SPSB1: variants seen among roughly 807,000 people sequenced by gnomAD.
SPSB1 encodes the protein splA/ryanodine receptor domain and SOCS box containing 1.
In SPSB1, 8 loss-of-function variants were observed where a neutral mutation model predicts 21.2. The ratio of observed to expected loss-of-function variants is 0.38; its 90% CI spans 0.22 to 0.68. The LOEUF (loss-of-function observed/expected upper bound fraction) is 0.68, where lower values mean the gene tolerates loss of function less well. Ranked by LOEUF, SPSB1 falls within the 30% of genes least tolerant of loss-of-function variation. SPSB1 has a pLI of 0.53. For synonymous variants in SPSB1, 169 were observed against 161.7 expected, an observed-to-expected ratio of 1.05 and a Z score of -0.34; for missense variants, 242 against 377.8, an observed-to-expected ratio of 0.64 and a Z score of 2.98.
At position 9,356,167 on chromosome 1, in the gene SPSB1, G is replaced by A. The variant is rs745407605; in HGVS notation, c.276G>A (p.Gly92=). The A allele has an allele frequency of 6.3e-7, 1 of 1,585,622 alleles. No homozygotes were observed. Among genetic ancestry groups the A allele is most frequent in the Non-Finnish European group, 8.6e-7 (1 of 1,162,874 alleles). Residue 92 remains glycine (G), a synonymous_variant, in exon 2 of 3, where the codon GGG becomes GGA. Coordinates refer to ENST00000328089, the MANE Select transcript of SPSB1 (RefSeq NM_025106.4). This position sits in a 1 kb window ranked among gnomAD's most constrained non-coding sequence, Gnocchi z 7.4. ...QSTDAIRGKV[G]YTRGLHVWQI... ...CGGACGCTATCAGGGGCAAAGTCGG[G>A]TATACCCGTGGGCTGCACGTGTGGC... is the stretch of plus-strand genomic sequence containing the variant.
chr1:9,300,247 G>A (rs984802574), intron 1 of SPSB1, among the ~76,000 whole-genome samples: 4 of 152,288 alleles, frequency 2.6e-5, no homozygotes, highest in African/African-American at 7.2e-5. Context: ...ACAATGCCTC[G>A]TGGGCCTGTT....
intron 1 of SPSB1, among the ~76,000 whole-genome samples, chr1:9,316,200 C>T (rs1371572972): frequency 6.6e-6 from 1 of 152,152 alleles, no homozygotes; most frequent in East Asian, 1.9e-4. Flanking sequence ...CCAGGTCAGA[C>T]AGCCGGCCTC....
chr1:9,310,910 C>T lies in SPSB1; in HGVS notation c.-150+17839C>T, dbSNP rs374695255. The stretch of plus-strand genomic sequence containing the variant: ...CAGCGTGCTTAATTTATTCCAATTC[C>T]GTAATATATAAATTATACGTACATG... On this transcript the variant is annotated intron_variant, in intron 1 of 2. Transcript: ENST00000328089. Among the ~76,000 whole-genome samples, 48 of 152,176 alleles carry T rather than the reference C, an allele frequency of 3.2e-4. 1 individual carries two copies. In the South Asian group the frequency reaches 9.3e-3, roughly 30 times the overall value.
chr1:9,303,709 C>T (rs1253712750), intron 1 of SPSB1, among the ~76,000 whole-genome samples: 5 of 152,110 alleles, frequency 3.3e-5, no homozygotes, highest in Admixed American at 2.0e-4. Context: ...AGTAGTGTCA[C>T]GATAGGTGGA....
intron 1 of SPSB1, among the ~76,000 whole-genome samples, chr1:9,331,806 T>TA (rs1639925512): frequency 5.3e-5 from 8 of 152,212 alleles, no homozygotes; most frequent in Non-Finnish European, 7.3e-5. Flanking sequence ...ATCTGGAGGG[T>TA]GCAACGTGCG....
chr1:9,301,712 A>G (rs953838839), intron 1 of SPSB1, among the ~76,000 whole-genome samples: 53 of 152,162 alleles, frequency 3.5e-4, no homozygotes, highest in Admixed American at 2.0e-3. Context: ...GAGGTGATGC[A>G]TGGGCTCAGC....
chr1:9,334,749 CTA>C lies in SPSB1; in HGVS notation c.-149-20992_-149-20991del, dbSNP rs551980480. On this transcript the variant is annotated intron_variant, in intron 1 of 2. Transcript: ENST00000328089. ...GCAACCACCATTCAACTTTCTGTCT[CTA>C]TGGATCCGATTGTCTTAGGTACCTC... 2.7e-3 allele frequency among the ~76,000 whole-genome samples: 410 copies of C among 152,302 alleles called. 3 individuals are homozygous for C. Among genetic ancestry groups the C allele is most frequent in the African/African-American group, 9.5e-3 (396 of 41,574 alleles).
At chr1:9,307,141 C>T (rs960165013) in intron 1 of SPSB1, among the ~76,000 whole-genome samples, 16 of 151,646 alleles carry the variant, frequency 1.1e-4, no homozygotes, top group Non-Finnish European at 2.1e-4. Flanking sequence ...TTGGCCAGGC[C>T]GGTCTCGAAC....
intron 1 of SPSB1, among the ~76,000 whole-genome samples, chr1:9,304,228 C>T (rs535341793): frequency 6.6e-6 from 1 of 152,272 alleles, no homozygotes; most frequent in South Asian, 2.1e-4. Flanking sequence ...GGGTCTTTGG[C>T]CCGGGGCTGA....
In SPSB1 at chr1:9,309,030, G is replaced by A. The variant is rs74051607; in HGVS notation, c.-150+15959G>A. ...AGGGCCTCCTGAGACTGTCAGGAGGGTTTGTTCTAGGCTGGGGGGTTTCAT... is the reference window on the plus strand; with the variant it reads ...AGGGCCTCCTGAGACTGTCAGGAGGATTTGTTCTAGGCTGGGGGGTTTCAT... On this transcript the variant is annotated intron_variant, in intron 1 of 2. Coordinates refer to ENST00000328089, the MANE Select transcript of SPSB1 (RefSeq NM_025106.4). 7.4e-3 allele frequency among the ~76,000 whole-genome samples: 1,122 copies of A among 152,132 alleles called. 6 individuals carry two copies. The highest frequency in any genetic ancestry group is 0.01 in the Middle Eastern group (3 of 294).
At chr1:9,350,232 G>A (rs1640234795) in intron 1 of SPSB1, among the ~76,000 whole-genome samples, 1 of 152,218 alleles carries the variant, frequency 6.6e-6, no homozygotes, top group East Asian at 1.9e-4. Context: ...CCAGACATTG[G>A]ACCCCTGCGT....
rs761028796 is a variant in SPSB1, at chr1:9,345,896, G to T, written c.-149-9847G>T. 1.3e-5 allele frequency among the ~76,000 whole-genome samples: 2 copies of T among 152,188 alleles called. No homozygotes were observed. Among genetic ancestry groups the T allele is most frequent in the African/African-American group, 2.4e-5 (1 of 41,434 alleles). ...GGGTCCCTCCTCAAGTTGGCAGTTG[G>T]CAGGGTGAGGGGTGGAGGGTGGTAA... On this transcript the variant is annotated intron_variant, in intron 1 of 2. Coordinates refer to ENST00000328089, the MANE Select transcript of SPSB1 (RefSeq NM_025106.4). The surrounding 1 kb of genome is among the most constrained non-coding windows in gnomAD (Gnocchi z 4.8).
At chr1:9,299,154 T>C (rs1426699476) in intron 1 of SPSB1, among the ~76,000 whole-genome samples, 1 of 152,278 alleles carries the variant, frequency 6.6e-6, no homozygotes, top group Non-Finnish European at 1.5e-5. Flanking sequence ...TCCCTGCTAC[T>C]GCATGCAGCT....
At chr1:9,338,604 G>A (rs1245744148) in intron 1 of SPSB1, among the ~76,000 whole-genome samples, 2 of 152,270 alleles carry the variant, frequency 1.3e-5, no homozygotes, top group Non-Finnish European at 2.9e-5. Context: ...CAAGTTGCCT[G>A]GGAACCAGAG....
In SPSB1 at chr1:9,367,434, C is replaced by T. The variant is rs1190990602; in HGVS notation, c.695-14C>T. 3 of 1,613,266 alleles carry T rather than the reference C, an allele frequency of 1.9e-6. No individual in the cohort carries two copies. The highest frequency in any genetic ancestry group is 1.7e-6 in the Non-Finnish European group (2 of 1,179,940). On this transcript the variant is annotated splice_polypyrimidine_tract_variant and intron_variant, in intron 2 of 2. Transcript: ENST00000328089. The surrounding 1 kb of genome is among the most constrained non-coding windows in gnomAD (Gnocchi z 5.9). ...CCCAAGCTGCGCTGACCTGCAGTTTCTCTGTCTCCCCAGCCGAGCCGCTGC... is the reference window on the plus strand; with the variant it reads ...CCCAAGCTGCGCTGACCTGCAGTTTTTCTGTCTCCCCAGCCGAGCCGCTGC...
At chr1:9,358,292 C>T (rs1396063411) in intron 2 of SPSB1, among the ~76,000 whole-genome samples, 4 of 152,214 alleles carry the variant, frequency 2.6e-5, no homozygotes, top group African/African-American at 4.8e-5. Flanking sequence ...CAGCCACACA[C>T]GATGTCTGTG....
At position 9,346,151 on chromosome 1, in the gene SPSB1, C is replaced by A. The variant is rs1180384750; in HGVS notation, c.-149-9592C>A. Among the ~76,000 whole-genome samples the A allele has an allele frequency of 6.6e-6, 1 of 152,242 alleles. No individual in the cohort carries two copies. Among genetic ancestry groups the A allele is most frequent in the Non-Finnish European group, 1.5e-5 (1 of 68,052 alleles). On this transcript the variant is annotated intron_variant, in intron 1 of 2. Transcript: ENST00000328089. The surrounding 1 kb of genome is among the most constrained non-coding windows in gnomAD (Gnocchi z 4.4). ...ATAGCAGATTGCTCGGGGCATGTTT[C>A]TCTTGCAAAATCCTGGGCTGCCACC...
At chr1:9,360,544 C>T (rs1450371091) in intron 2 of SPSB1, among the ~76,000 whole-genome samples, 5 of 152,160 alleles carry the variant, frequency 3.3e-5, no homozygotes, top group African/African-American at 7.2e-5. Context: ...CGACTGCCTC[C>T]GAGCTCTGAG....
At chr1:9,314,468 G>A (rs565348129) in intron 1 of SPSB1, among the ~76,000 whole-genome samples, 18 of 67,554 alleles carry the variant, frequency 2.7e-4, no homozygotes, top group African/African-American at 7.3e-4. Flanking sequence ...CACCTTCTGC[G>A]GACCCAGAGG....
Sources: gnomAD v4.1 joint callset for allele counts (sites outside exome capture counted in the v4.1 genomes callset) on GRCh38, gnomAD v4.1.1 for gene constraint, Gnocchi (gnomAD v3.1) non-coding constraint, MANE v1.5 for transcripts, NCBI Gene and HGNC (gene_info 2026-07-23, HGNC 2026-07-21) for gene names.